Variants in TASOR2 observed in about 807,000 individuals in gnomAD.
TASOR2 encodes transcription activation suppressor family member 2, also known as protein TASOR 2.
In TASOR2, 84 loss-of-function variants were observed where a neutral mutation model predicts 199.5. That is an observed-to-expected ratio of 0.42 (90% CI 0.35 to 0.50). The LOEUF (loss-of-function observed/expected upper bound fraction) is 0.50. Among genes scored for constraint, TASOR2 ranks in the 20% least tolerant of loss-of-function variants. TASOR2 has a pLI of 0.02. For missense variants in TASOR2, 2,796 were observed against 2,835.9 expected (o/e 0.99, Z 0.32); for synonymous variants, 1,103 against 1,046.6 (o/e 1.05, Z -1.04).
rs1588625307 is a variant in TASOR2, at chr10:5,701,947, A to G, written c.-287-10876A>G. Among the ~76,000 whole-genome samples, 2 of 152,202 alleles carry G rather than the reference A, an allele frequency of 1.3e-5. No individual in the cohort carries two copies. Among genetic ancestry groups the G allele is most frequent in the East Asian group, 3.9e-4 (2 of 5,186 alleles). On this transcript the variant is annotated intron_variant, in intron 1 of 20. Coordinates refer to ENST00000328090, the Ensembl canonical transcript of TASOR2. This position sits in a 1 kb window ranked among gnomAD's most constrained non-coding sequence, Gnocchi z 4.9. ...TTCTTTTCTGATTTGGATGCCCTCT[A>G]TTTCTTTCTCTTGCCTAATTGCTCT...
chr10:5,736,270 T>G (rs897927943), intron 12 of TASOR2, among the ~76,000 whole-genome samples: 1 of 151,950 alleles, frequency 6.6e-6, no homozygotes, highest in Non-Finnish European at 1.5e-5. Context: ...AATACAAAAT[T>G]AGCCAGGCGT....
intron 17 of TASOR2, among the ~76,000 whole-genome samples, chr10:5,758,449 G>A (rs1411576518): frequency 6.6e-6 from 1 of 152,096 alleles, no homozygotes; most frequent in Non-Finnish European, 1.5e-5. Flanking sequence ...AAGGATGGAG[G>A]ATTACTTGAG....
chr10:5,693,539 A>G (rs1836755715), intron 1 of TASOR2, among the ~76,000 whole-genome samples: 1 of 152,128 alleles, frequency 6.6e-6, no homozygotes, highest in Non-Finnish European at 1.5e-5. Context: ...GACTTACGGG[A>G]AATGCTATTT....
In TASOR2 at chr10:5,749,609, T is replaced by A. The variant is rs528553713; in HGVS notation, c.6188T>A (p.Leu2063Gln). ...AGGAGAGGCTACACAGCCAGCAGTC[T>A]GGACAGCTCTTCCTCTTGGAGAGAG... Residue 2063 changes from leucine (L) to glutamine (Q), a missense_variant, in exon 15 of 21, where the codon CTG becomes CAG. Physicochemically the swap from Leu to Gln is moderately radical, Grantham distance 113. Coordinates refer to ENST00000328090, the Ensembl canonical transcript of TASOR2. 1.9e-6 allele frequency: 3 copies of A among 1,614,160 alleles called. No homozygotes were observed. In the South Asian group the frequency reaches 3.3e-5, roughly 18 times the overall value.
rs751779217 is a variant in TASOR2, at chr10:5,698,434, T to C, written c.-288+13259T>C. On this transcript the variant is annotated intron_variant, in intron 1 of 20. Transcript: ENST00000328090. The surrounding 1 kb of genome is among the most constrained non-coding windows in gnomAD (Gnocchi z 4.4). Reference sequence around the variant, plus strand: ...TAAACATTAGTTAACCGAACAGTTATATGATTAAAAATAAAAAAAGAGAGA... The same window carrying C: ...TAAACATTAGTTAACCGAACAGTTACATGATTAAAAATAAAAAAAGAGAGA... Among the ~76,000 whole-genome samples, 1 of 152,212 alleles carries C rather than the reference T, an allele frequency of 6.6e-6. No homozygotes were observed. The highest frequency in any genetic ancestry group is 1.5e-5 in the Non-Finnish European group (1 of 68,034).
intron 8 of TASOR2, among the ~76,000 whole-genome samples, chr10:5,725,047 A>G (rs1833872327): frequency 6.6e-6 from 1 of 152,156 alleles, no homozygotes; most frequent in South Asian, 2.1e-4. Flanking sequence ...AGGCATTATG[A>G]AGTACTACTA....
rs896022912 is a variant in TASOR2 at position 5,752,978 on chromosome 10, C to T, written c.6606+2951C>T. On this transcript the variant is annotated intron_variant, in intron 15 of 20. Coordinates refer to ENST00000328090, the Ensembl canonical transcript of TASOR2. This position sits in a 1 kb window ranked among gnomAD's most constrained non-coding sequence, Gnocchi z 4.4. Reference sequence around the variant, plus strand: ...GGTTTTTTCCTCCTAACCACTAGACCGCCAGAGATGAAGTTTTCTAAAAGA... The same window carrying T: ...GGTTTTTTCCTCCTAACCACTAGACTGCCAGAGATGAAGTTTTCTAAAAGA... 3.9e-5 allele frequency among the ~76,000 whole-genome samples: 6 copies of T among 152,106 alleles called. No individual in the cohort carries two copies. Among genetic ancestry groups the T allele is most frequent in the Admixed American group, 3.9e-4 (6 of 15,270 alleles).
intron 8 of TASOR2, among the ~76,000 whole-genome samples, chr10:5,726,000 T>C (rs1215894751): frequency 2.6e-5 from 4 of 152,236 alleles, no homozygotes; most frequent in African/African-American, 9.6e-5. Context: ...TGTATATTCA[T>C]TGTGATTAAA....
At position 5,730,815 on chromosome 10, in the gene TASOR2, G is replaced by A. The variant is rs757189248; in HGVS notation, c.816G>A (p.Leu272=). 1.2e-6 allele frequency: 2 copies of A among 1,614,144 alleles called. No individual in the cohort carries two copies. Among genetic ancestry groups the A allele is most frequent in the South Asian group, 1.1e-5 (1 of 91,066 alleles). ...TTTCAGACCCTAGTGCTTACATTTT[G>A]GAAGTGTCTACTGCTTTGGACTTGC... is the stretch of plus-strand genomic sequence containing the variant. Residue 272 remains leucine, a synonymous_variant, in exon 11 of 21, where the codon TTG becomes TTA. Transcript: ENST00000328090. The surrounding 1 kb of genome is among the most constrained non-coding windows in gnomAD (Gnocchi z 4.1).
At chr10:5,756,202 T>C (rs1214470380) in intron 15 of TASOR2, among the ~76,000 whole-genome samples, 1 of 152,210 alleles carries the variant, frequency 6.6e-6, no homozygotes, top group Non-Finnish European at 1.5e-5. Flanking sequence ...AAGGGACTGC[T>C]GACTCCAAAA....
At chr10:5,717,612 G>C in intron 2 of TASOR2, 47 bp from the exon 4 acceptor site, 2 of 803,264 alleles carry the variant, frequency 2.5e-6, no homozygotes, top group Non-Finnish European at 3.3e-6. Flanking sequence ...ACTTTCTCCT[G>C]TCTGATGGGC....
chr10:5,720,460 C>T lies in TASOR2; in HGVS notation c.-99-84C>T. Reference sequence around the variant, plus strand: ...TTTCTGACTCTAATGTGTTAAATTTCAGGGCTCGGTGGGGTTGAGAAAAAC... The same window carrying T: ...TTTCTGACTCTAATGTGTTAAATTTTAGGGCTCGGTGGGGTTGAGAAAAAC... On this transcript the variant is annotated intron_variant, in intron 3 of 20. Coordinates refer to ENST00000328090, the Ensembl canonical transcript of TASOR2. This position sits in a 1 kb window ranked among gnomAD's most constrained non-coding sequence, Gnocchi z 5.3. 1.4e-6 allele frequency: 2 copies of T among 1,425,612 alleles called. No homozygotes were observed. Among genetic ancestry groups the T allele is most frequent in the Non-Finnish European group, 1.8e-6 (2 of 1,095,280 alleles). 88.3% of individuals were successfully genotyped at this position (1,425,612 alleles called of 1,614,324 possible).
chr10:5,714,575 G>T (rs1047761042), intron 2 of TASOR2: 4 of 160,582 alleles, frequency 2.5e-5, no homozygotes, highest in South Asian at 2.0e-4. Flanking sequence ...TAGAAAAGAG[G>T]TACATAAGAA....
chr10:5,748,878 T>A lies in TASOR2; in HGVS notation c.5457T>A (p.Asn1819Lys). Residue 1819 changes from asparagine (N) to lysine (K), a missense_variant, in exon 15 of 21, where the codon AAT becomes AAA. Transcript: ENST00000328090. The surrounding 1 kb of genome is among the most constrained non-coding windows in gnomAD (Gnocchi z 5.1). Reference sequence around the variant, plus strand: ...GCAGAGATGGAGAGGTCGGTGTGAATTCCGACATGCACTATGAACTCTCTG... The same window carrying A: ...GCAGAGATGGAGAGGTCGGTGTGAAATCCGACATGCACTATGAACTCTCTG... The A allele has an allele frequency of 6.2e-7, 1 of 1,614,150 alleles. No individual in the cohort carries two copies. Among genetic ancestry groups the A allele is most frequent in the Non-Finnish European group, 8.5e-7 (1 of 1,180,020 alleles).
intron 1 of TASOR2, among the ~76,000 whole-genome samples, chr10:5,688,551 A>G (rs1019423661): frequency 2.6e-5 from 4 of 152,070 alleles, no homozygotes; most frequent in African/African-American, 9.7e-5. Flanking sequence ...CGTTAGCTGC[A>G]GTGTAGAATT....
In TASOR2 at chr10:5,750,042, A is replaced by G; in HGVS notation, c.6606+15A>G. The G allele has an allele frequency of 6.4e-7, 1 of 1,558,518 alleles. No homozygotes were observed. Among genetic ancestry groups the G allele is most frequent in the Non-Finnish European group, 8.7e-7 (1 of 1,155,614 alleles). ...TAAGAACAAAGGTAAAGTGCCAGCC[A>G]CGTCTTACGTATTATTTTAATTGCT... On this transcript the variant is annotated intron_variant, in intron 15 of 20. Transcript: ENST00000328090. The surrounding 1 kb of genome is among the most constrained non-coding windows in gnomAD (Gnocchi z 5.4).
chr10:5,762,698 C>CAAAT, intron 20 of TASOR2, 52 bp downstream of exon 21: 1 of 833,072 alleles, frequency 1.2e-6, no homozygotes, highest in Non-Finnish European at 2.0e-6. Flanking sequence ...TTGTTGATGG[C>CAAAT]AAATATTGAC....
chr10:5,723,384 T>A (rs1050885000), intron 6 of TASOR2, among the ~76,000 whole-genome samples: 8 of 152,092 alleles, frequency 5.3e-5, no homozygotes, highest in African/African-American at 7.2e-5. Context: ...TAATTTTTTT[T>A]AATTCCTTAT....
intron 1 of TASOR2, among the ~76,000 whole-genome samples, chr10:5,708,183 G>A (rs752116287): frequency 3.3e-5 from 5 of 152,020 alleles, no homozygotes; most frequent in Admixed American, 1.3e-4. Flanking sequence ...CTTTTTCTTC[G>A]TTCTTATTCT....
Sources: gnomAD v4.1 joint callset for allele counts (sites outside exome capture counted in the v4.1 genomes callset) on GRCh38, gnomAD v4.1.1 for gene constraint, Gnocchi (gnomAD v3.1) non-coding constraint, MANE v1.5 for transcripts, NCBI Gene and HGNC (gene_info 2026-07-23, HGNC 2026-07-21) for gene names.